Variants in DDAH1 observed in about 807,000 individuals in gnomAD.
The protein encoded by DDAH1 is dimethylarginine dimethylaminohydrolase 1.
In DDAH1, 19 loss-of-function variants were observed where a neutral mutation model predicts 28.8. That is an observed-to-expected ratio of 0.66 (90% CI 0.46 to 0.97). The LOEUF (loss-of-function observed/expected upper bound fraction) is 0.97, where lower values mean the gene tolerates loss of function less well. Among genes scored for constraint, DDAH1 ranks in the 50% least tolerant of loss-of-function variants. The pLI is 0.00. For synonymous variants in DDAH1, 153 were observed against 154.4 expected (o/e 0.99, Z 0.07); for missense variants, 326 against 375.9 (o/e 0.87, Z 1.10).
At position 85,398,834 on chromosome 1, in the gene DDAH1, C is replaced by T. The variant is rs142762106; in HGVS notation, c.304-39987G>A. On this transcript the variant is annotated intron_variant, in intron 1 of 5. Coordinates refer to ENST00000284031, the MANE Select transcript of DDAH1 (RefSeq NM_012137.4). ...TTAGTTTTTGTGAGTAATCTGACAGCATGTTGAATCTGTTATGTCAAATCT... is the reference window on the plus strand; with the variant it reads ...TTAGTTTTTGTGAGTAATCTGACAGTATGTTGAATCTGTTATGTCAAATCT... The T allele has an allele frequency of 2.6e-4, 39 of 152,308 alleles. 1 individual carries two copies. The East Asian group carries it at 7.1e-3, about 28-fold the overall frequency. 9.4% of individuals were successfully genotyped at this position (152,308 alleles called of 1,614,324 possible). A position where few individuals can be genotyped will look rare whatever the true frequency, so the allele number is the denominator to read the frequency against.
chr1:85,433,087 C>T lies in DDAH1; in HGVS notation c.303+31656G>A, dbSNP rs559804861. On this transcript the variant is annotated intron_variant, in intron 1 of 5. Transcript: ENST00000284031. ...GCCAGACTATACATATATATGCATA[C>T]GTACATGCATACATATACATACATA... 1.1e-3 allele frequency among the ~76,000 whole-genome samples: 163 copies of T among 152,212 alleles called. 1 individual carries two copies. The highest frequency in any genetic ancestry group is 1.2e-3 in the Non-Finnish European group (80 of 68,016).
chr1:85,463,610 A>G (rs1655221942), intron 1 of DDAH1, among the ~76,000 whole-genome samples: 1 of 152,358 alleles, frequency 6.6e-6, no homozygotes, highest in Admixed American at 6.5e-5. Context: ...AATTAGTAGA[A>G]TATGCTTATT....
intron 1 of DDAH1, among the ~76,000 whole-genome samples, chr1:85,530,130 C>T (rs571013789): frequency 6.6e-6 from 1 of 152,188 alleles, no homozygotes; most frequent in Non-Finnish European, 1.5e-5. Context: ...CCTTTTGCAA[C>T]AAGTATTTCA....
intron 1 of DDAH1, among the ~76,000 whole-genome samples, chr1:85,459,837 T>G (rs1655052699): frequency 6.6e-6 from 1 of 152,208 alleles, no homozygotes; most frequent in African/African-American, 2.4e-5. Context: ...CATATTCTCA[T>G]TTACGAGAGA....
intron 1 of DDAH1, among the ~76,000 whole-genome samples, chr1:85,375,402 A>T (rs1190020579): frequency 6.6e-6 from 1 of 152,094 alleles, no homozygotes; most frequent in Non-Finnish European, 1.5e-5. Flanking sequence ...CCTTGTCCAC[A>T]CTGACTACAT....
In DDAH1 at chr1:85,370,066, C is replaced by T. The variant is rs548618589; in HGVS notation, c.304-11219G>A. Among the ~76,000 whole-genome samples the T allele has an allele frequency of 2.6e-5, 4 of 152,274 alleles. No individual in the cohort carries two copies. In the South Asian group the frequency reaches 8.3e-4, roughly 32 times the overall value. Reference sequence around the variant, plus strand: ...CCTCAAGATTCATATGTTGAAAACTCCCAGGGCTTAAGAATGTGACTGCCT... The same window carrying T: ...CCTCAAGATTCATATGTTGAAAACTTCCAGGGCTTAAGAATGTGACTGCCT... On this transcript the variant is annotated intron_variant, in intron 1 of 5. Transcript: ENST00000284031.
At chr1:85,444,566 T>G (rs183668703) in intron 1 of DDAH1, among the ~76,000 whole-genome samples, 2 of 152,320 alleles carry the variant, frequency 1.3e-5, no homozygotes, top group African/African-American at 2.4e-5. Flanking sequence ...TCAAGTCCTG[T>G]GTCAAAGTTC....
At chr1:85,529,107 G>A (rs1196750071) in intron 1 of DDAH1, among the ~76,000 whole-genome samples, 2 of 150,536 alleles carry the variant, frequency 1.3e-5, no homozygotes, top group African/African-American at 2.5e-5. Flanking sequence ...TTAAGATAGG[G>A]TCGGATATTA....
intron 1 of DDAH1, among the ~76,000 whole-genome samples, chr1:85,537,110 G>A (rs1266957046): frequency 1.3e-5 from 2 of 151,524 alleles, no homozygotes; most frequent in East Asian, 3.9e-4. Context: ...GGAGGCTGAG[G>A]TGGGCATATT....
At chr1:85,551,954 T>A (rs916829870) in intron 1 of DDAH1, among the ~76,000 whole-genome samples, 10 of 152,294 alleles carry the variant, frequency 6.6e-5, no homozygotes, top group African/African-American at 2.4e-4. Flanking sequence ...GGCAAGAGTT[T>A]GAAGTGGACT....
chr1:85,321,375 G>T lies in DDAH1; in HGVS notation c.*77C>A. ...CACAGTGGCACAGTAGATTGTCAAG[G>T]AAAACAACAGGAGTGGGCACAGAGT... is the stretch of plus-strand genomic sequence containing the variant. On this transcript the variant is annotated 3_prime_UTR_variant, in exon 6 of 6. Transcript: ENST00000284031. The T allele has an allele frequency of 2.2e-6, 2 of 915,546 alleles. No homozygotes were observed. The highest frequency in any genetic ancestry group is 3.6e-6 in the Non-Finnish European group (2 of 559,416). The allele number at this position is 915,546 out of a possible 1,614,324, so 56.7% of individuals were successfully genotyped here. A position where few individuals can be genotyped will look rare whatever the true frequency, so the allele number is the denominator to read the frequency against.
chr1:85,553,155 T>C lies in DDAH1; in HGVS notation c.-123+24829A>G, dbSNP rs80091286. ...GCCACCCCTACCAAGGTACCAGATG[T>C]GTGAGTAAAGTCACCTTAGAACCGC... On this transcript the variant is annotated intron_variant, in intron 1 of 6. Transcript: ENST00000426972. Among the ~76,000 whole-genome samples, 108 of 152,208 alleles carry C rather than the reference T, an allele frequency of 7.1e-4. 2 individuals carry two copies. The East Asian group carries it at 0.017, about 24-fold the overall frequency.
intron 1 of DDAH1, among the ~76,000 whole-genome samples, chr1:85,566,458 C>G (rs1408890530): frequency 6.8e-6 from 1 of 147,990 alleles, no homozygotes; most frequent in Non-Finnish European, 1.5e-5. Context: ...CACCACTGCA[C>G]TCCAGCCTGG....
At chr1:85,530,381 G>T (rs1230933580) in intron 1 of DDAH1, among the ~76,000 whole-genome samples, 1 of 152,098 alleles carries the variant, frequency 6.6e-6, no homozygotes, top group African/African-American at 2.4e-5. Flanking sequence ...ACATGAAATT[G>T]TCATTTAGTA....
chr1:85,550,747 A>ACGC (rs543085024), intron 1 of DDAH1, among the ~76,000 whole-genome samples: 8 of 151,828 alleles, frequency 5.3e-5, no homozygotes, highest in African/African-American at 1.9e-4. Flanking sequence ...TAATAATAAA[A>ACGC]AACACACACA....
chr1:85,568,475 C>T (rs1659366685), intron 1 of DDAH1, among the ~76,000 whole-genome samples: 1 of 152,106 alleles, frequency 6.6e-6, no homozygotes. Context: ...TCAGGCTCAC[C>T]TTTAACACTA....
At chr1:85,503,359 C>T (rs1352014836) in intron 1 of DDAH1, among the ~76,000 whole-genome samples, 8 of 152,230 alleles carry the variant, frequency 5.3e-5, no homozygotes, top group Middle Eastern at 3.4e-3. Flanking sequence ...TATGCGCCAC[C>T]AGGCTAATTT....
intron 1 of DDAH1, among the ~76,000 whole-genome samples, chr1:85,360,490 G>A (rs1649727982): frequency 6.6e-6 from 1 of 152,152 alleles, no homozygotes; most frequent in African/African-American, 2.4e-5. Flanking sequence ...AAACACAACT[G>A]TTTCCTTTTG....
At chr1:85,469,175 G>T (rs1035765852), upstream of DDAH1, among the ~76,000 whole-genome samples, 1 of 152,202 alleles carries the variant, frequency 6.6e-6, no homozygotes, top group African/African-American at 2.4e-5. Context: ...ACATTCTGCT[G>T]TGGGCCCAGA....
Sources: gnomAD v4.1 joint callset for allele counts (sites outside exome capture counted in the v4.1 genomes callset) on GRCh38, gnomAD v4.1.1 for gene constraint, MANE v1.5 for transcripts, NCBI Gene and HGNC (gene_info 2026-07-23, HGNC 2026-07-21) for gene names.